The following ATXN1 variants were observed in gnomAD, a reference collection of about 807,000 sequenced individuals.
ATXN1 encodes ataxin 1.
ATXN1 carries 8 observed loss-of-function variants against 56.4 expected under a neutral mutation model. The ratio of observed to expected loss-of-function variants is 0.14; its 90% CI spans 0.08 to 0.26. The LOEUF is 0.26. Among genes scored for constraint, ATXN1 ranks in the 10% least tolerant of loss-of-function variants. The pLI, the probability that ATXN1 is intolerant of heterozygous loss-of-function variation, is 1.00. For synonymous variants in ATXN1, 514 were observed against 494.6 expected, an observed-to-expected ratio of 1.04 and a Z score of -0.52; for missense variants, 987 against 1,106.5, an observed-to-expected ratio of 0.89 and a Z score of 1.53.
At chr6:16,719,185 T>G (rs1470818425) in intron 2 of ATXN1, among the ~76,000 whole-genome samples, 1 of 152,234 alleles carries the variant, frequency 6.6e-6, no homozygotes, top group Non-Finnish European at 1.5e-5. Context: ...CAACAAATTT[T>G]AAAGCTCTTT....
At chr6:16,503,335 T>C (rs2113675981) in intron 5 of ATXN1, among the ~76,000 whole-genome samples, 1 of 152,270 alleles carries the variant, frequency 6.6e-6, no homozygotes, top group East Asian at 1.9e-4. Flanking sequence ...ACATGGCCTA[T>C]GAGACCCTCT....
chr6:16,568,238 T>A (rs1762265155), intron 4 of ATXN1, among the ~76,000 whole-genome samples: 1 of 152,218 alleles, frequency 6.6e-6, no homozygotes, highest in Non-Finnish European at 1.5e-5. Flanking sequence ...CAAGAATATT[T>A]GAAACGCTGC....
At chr6:16,617,941 A>C (rs1199947778) in intron 3 of ATXN1, among the ~76,000 whole-genome samples, 2 of 152,082 alleles carry the variant, frequency 1.3e-5, no homozygotes, top group Non-Finnish European at 2.9e-5. Flanking sequence ...CTAAGATCGC[A>C]CATCAAAATA....
intron 6 of ATXN1, among the ~76,000 whole-genome samples, chr6:16,342,732 A>G (rs1187145179): frequency 3.9e-5 from 6 of 152,272 alleles, no homozygotes; most frequent in Non-Finnish European, 2.9e-5. Flanking sequence ...TATGACATTG[A>G]TAAATCTTCA....
intron 2 of ATXN1, among the ~76,000 whole-genome samples, chr6:16,686,351 G>A (rs1011133441): frequency 6.6e-5 from 10 of 152,150 alleles, no homozygotes; most frequent in African/African-American, 2.4e-4. Context: ...TTTCAAATCT[G>A]ATAACGCACT....
At chr6:16,611,923 C>A (rs6925658) in intron 3 of ATXN1, among the ~76,000 whole-genome samples, 2 of 137,466 alleles carry the variant, frequency 1.5e-5, no homozygotes, top group African/African-American at 5.3e-5. Flanking sequence ...GCAGTGGCTC[C>A]ATCTCGGCTC....
intron 3 of ATXN1, among the ~76,000 whole-genome samples, chr6:16,600,665 A>G (rs1465785282): frequency 1.3e-5 from 2 of 152,238 alleles, no homozygotes; most frequent in African/African-American, 4.8e-5. Context: ...ACAAGCTGCC[A>G]CTATTTTATG....
chr6:16,386,012 G>A (rs932736810), intron 6 of ATXN1, among the ~76,000 whole-genome samples: 1 of 152,266 alleles, frequency 6.6e-6, no homozygotes, highest in African/African-American at 2.4e-5. Context: ...AAGGCTATTA[G>A]TCTTCACGAT....
At chr6:16,444,776 T>A (rs1759599693) in intron 6 of ATXN1, among the ~76,000 whole-genome samples, 1 of 152,192 alleles carries the variant, frequency 6.6e-6, no homozygotes, top group African/African-American at 2.4e-5. Flanking sequence ...ATTTATGAAT[T>A]CAGATGACAG....
At chr6:16,419,946 G>C (rs1758997725) in intron 6 of ATXN1, among the ~76,000 whole-genome samples, 1 of 152,196 alleles carries the variant, frequency 6.6e-6, no homozygotes, top group African/African-American at 2.4e-5. Context: ...CTCATTCTCT[G>C]GCCTGGGTGG....
intron 2 of ATXN1, among the ~76,000 whole-genome samples, chr6:16,680,452 T>C (rs916716152): frequency 2.2e-4 from 34 of 152,192 alleles, no homozygotes; most frequent in African/African-American, 8.0e-4. Context: ...TTTTGAAACA[T>C]ACATTCCTCC....
Position 16,328,781 on chromosome 6 carries a change from G to A in ATXN1, c.-160-311C>T, listed in dbSNP as rs1478840337. 6.6e-6 allele frequency among the ~76,000 whole-genome samples: 1 copy of A among 152,152 alleles called. No homozygotes were observed. The highest frequency in any genetic ancestry group is 2.4e-5 in the African/African-American group (1 of 41,434). ...AAATAAAAAACAAATTTAGCCTGGT[G>A]TAACATTAGCTGGCACACGGCTGTA... On this transcript the variant is annotated intron_variant, in intron 6 of 7. Transcript: ENST00000436367. This position sits in a 1 kb window ranked among gnomAD's most constrained non-coding sequence, Gnocchi z 6.2.
intron 4 of ATXN1, among the ~76,000 whole-genome samples, chr6:16,543,569 A>G (rs1761756070): frequency 6.7e-6 from 1 of 150,256 alleles, no homozygotes; most frequent in Non-Finnish European, 1.5e-5. Context: ...GGGATACGTG[A>G]CCAATTTTAT....
chr6:16,685,317 C>T (rs1758895256), intron 2 of ATXN1, among the ~76,000 whole-genome samples: 2 of 152,162 alleles, frequency 1.3e-5, no homozygotes, highest in Non-Finnish European at 2.9e-5. Flanking sequence ...CATCCTCACG[C>T]CACCACCTCC....
At chr6:16,317,119 C>T (rs1760531086) in intron 7 of ATXN1, among the ~76,000 whole-genome samples, 1 of 152,076 alleles carries the variant, frequency 6.6e-6, no homozygotes, top group Non-Finnish European at 1.5e-5. Context: ...ATTTTATGAT[C>T]TTGCTGGGGT....
At chr6:16,548,946 C>T (rs150816258) in intron 4 of ATXN1, among the ~76,000 whole-genome samples, 89 of 152,124 alleles carry the variant, frequency 5.9e-4, no homozygotes, top group African/African-American at 2.0e-3. Flanking sequence ...ACATAAATAG[C>T]AAACAAAATA....
chr6:16,361,210 G>A (rs1344255425), intron 6 of ATXN1, among the ~76,000 whole-genome samples: 1 of 152,128 alleles, frequency 6.6e-6, no homozygotes, highest in African/African-American at 2.4e-5. Context: ...TAAATTCATA[G>A]CCAAAAGGGT....
At chr6:16,583,004 C>T (rs1762555810) in intron 4 of ATXN1, among the ~76,000 whole-genome samples, 1 of 152,210 alleles carries the variant, frequency 6.6e-6, no homozygotes, top group Admixed American at 6.5e-5. Context: ...TTTGCTAACA[C>T]ATTTGTTGTC....
At chr6:16,574,891 C>G (rs1212217392) in intron 4 of ATXN1, among the ~76,000 whole-genome samples, 1 of 150,092 alleles carries the variant, frequency 6.7e-6, no homozygotes, top group East Asian at 2.0e-4. Flanking sequence ...TTAGTTTCTG[C>G]TAATCTGTGA....
Sources: gnomAD v4.1 joint callset for allele counts (sites outside exome capture counted in the v4.1 genomes callset) on GRCh38, gnomAD v4.1.1 for gene constraint, Gnocchi (gnomAD v3.1) non-coding constraint, MANE v1.5 for transcripts, NCBI Gene and HGNC (gene_info 2026-07-23, HGNC 2026-07-21) for gene names.